The following APOA4 variants were observed in gnomAD, a reference collection of about 807,000 sequenced individuals.
The protein encoded by APOA4 is apolipoprotein A4.
In APOA4, 25 loss-of-function variants were observed where a neutral mutation model predicts 33.6. The ratio of observed to expected loss-of-function variants is 0.74; its 90% confidence interval spans 0.54 to 1.04. APOA4 has a LOEUF of 1.04. Ranked by LOEUF, APOA4 falls within the 50% of genes least tolerant of loss-of-function variation. APOA4 has a pLI of 0.00. For missense variants in APOA4, 549 were observed against 510.4 expected, an observed-to-expected ratio of 1.08 and a Z score of -0.73; for synonymous variants, 228 against 224.0, an observed-to-expected ratio of 1.02 and a Z score of -0.16.
rs1591322405 is a variant in APOA4 at position 116,821,476 on chromosome 11, C to T, written c.582G>A (p.Val194=). The T allele has an allele frequency of 6.2e-7, 1 of 1,614,172 alleles. No individual in the cohort carries two copies. Among genetic ancestry groups the T allele is most frequent in the East Asian group, 2.2e-5 (1 of 44,878 alleles). ...GCGTAAGGCGTCCCTTGAGCTCCTC[C>T]ACGTTCTGGTCGATCTTGGCCTTGA... ...DELKAKIDQN[V]EELKGRLTPY... is the part of the protein sequence containing the mutation. Residue 194 remains valine, a synonymous_variant, in exon 3 of 3, where the codon GTG becomes GTA. Transcript: ENST00000357780.
rs2134219237 is a variant in APOA4, at chr11:116,822,979, A to C, written c.49+164T>G. On this transcript the variant is annotated intron_variant, in intron 1 of 2. Coordinates refer to ENST00000357780, the MANE Select transcript of APOA4 (RefSeq NM_000482.4). ...CAATGCCAATGGGCCCACCACTGGG[A>C]CTGGGCCAGCTCTCCTGTGAGCCAC... 1.3e-5 allele frequency among the ~76,000 whole-genome samples: 2 copies of C among 152,342 alleles called. 1 individual carries two copies. The highest frequency in any genetic ancestry group is 6.8e-3 in the Middle Eastern group (2 of 294).
At position 116,821,056 on chromosome 11, in the gene APOA4, C is replaced by A; in HGVS notation, c.1002G>T (p.Gly334=). The part of the protein sequence containing the change: ...QLRQKLGPHA[G]DVEGHLSFLE... ...GGAAGCTCAAGTGGCCTTCCACGTC[C>A]CCCGCATGGGGGCCCAGTTTCTGCC... The change falls in exon 3 of 3, where the codon GGG becomes GGT. Residue 334 remains glycine, a synonymous_variant. Coordinates refer to ENST00000357780, the MANE Select transcript of APOA4 (RefSeq NM_000482.4). 6.2e-7 allele frequency: 1 copy of A among 1,614,226 alleles called. No individual in the cohort carries two copies. Among genetic ancestry groups the A allele is most frequent in the Non-Finnish European group, 8.5e-7 (1 of 1,180,054 alleles).
chr11:116,823,247 A>C lies in APOA4; in HGVS notation c.-56T>G. 3 of 1,598,836 alleles carry C rather than the reference A, an allele frequency of 1.9e-6. No individual in the cohort carries two copies. Among genetic ancestry groups the C allele is most frequent in the Non-Finnish European group, 2.6e-6 (3 of 1,166,338 alleles). On this transcript the variant is annotated 5_prime_UTR_variant, in exon 1 of 3. Coordinates refer to ENST00000357780, the MANE Select transcript of APOA4 (RefSeq NM_000482.4). Reference sequence around the variant, plus strand: ...CTTGCCACACTGGATCCTCCCTACAATCAGGGGAGCTGACAGAGAGGTCCT... The same window carrying C: ...CTTGCCACACTGGATCCTCCCTACACTCAGGGGAGCTGACAGAGAGGTCCT...
chr11:116,822,629 G>T, intron 2 of APOA4, 30 bp downstream of exon 2: 3 of 1,614,060 alleles, frequency 1.9e-6, no homozygotes, highest in Non-Finnish European at 2.5e-6. Context: ...AGAATTCCCC[G>T]TCACCACCGC....
In APOA4 at chr11:116,821,591, T is replaced by G. The variant is rs1342025659; in HGVS notation, c.467A>C (p.Gln156Pro). 5 of 1,609,946 alleles carry G rather than the reference T, an allele frequency of 3.1e-6. No individual in the cohort carries two copies. Among genetic ancestry groups the G allele is most frequent in the Non-Finnish European group, 4.2e-6 (5 of 1,178,980 alleles). ...CATGCGCTGTGCGTAGGGGGTCAGC[T>G]GGCGCCGCAGCTGCTCGGCCTGCGT... ...VSTQAEQLRR[Q>P]LTPYAQRMER... Residue 156 changes from glutamine to proline, a missense_variant, in exon 3 of 3, where the codon CAG (glutamine) becomes CCG (proline). Gln to Pro is a moderately conservative substitution (Grantham distance 76). Coordinates refer to ENST00000357780, the MANE Select transcript of APOA4 (RefSeq NM_000482.4).
Position 116,820,996 on chromosome 11 carries a change from G to C in APOA4, c.1062C>G (p.Phe354Leu). Reference protein sequence around the residue: ...EKDLRDKVNSFFSTFKEKESQ... With the variant: ...EKDLRDKVNSLFSTFKEKESQ... The stretch of plus-strand genomic sequence containing the variant: ...TCTCTTTCTCCTTGAAGGTGCTGAA[G>C]AAGGAGTTGACCTTGTCCCTCAGGT... The change falls in exon 3 of 3, where the codon TTC becomes TTG. Residue 354 changes from phenylalanine to leucine, a missense_variant. By Grantham distance (22) the Phe-to-Leu change is conservative. Coordinates refer to ENST00000357780, the MANE Select transcript of APOA4 (RefSeq NM_000482.4). The C allele has an allele frequency of 6.2e-7, 1 of 1,614,242 alleles. No individual in the cohort carries two copies. The highest frequency in any genetic ancestry group is 1.1e-5 in the South Asian group (1 of 91,086).
Position 116,820,980 on chromosome 11 carries a change from C to G in APOA4, c.1078G>C (p.Glu360Gln), listed in dbSNP as rs746177076. Residue 360 changes from glutamate to glutamine, a missense_variant, in exon 3 of 3, where the codon GAG becomes CAG. Physicochemically the swap from Glu to Gln is conservative, Grantham distance 29. Coordinates refer to ENST00000357780, the MANE Select transcript of APOA4 (RefSeq NM_000482.4). ...AGAGTCTTGTCCTGGCTCTCTTTCT[C>G]CTTGAAGGTGCTGAAGAAGGAGTTG... ...KVNSFFSTFK[E>Q]KESQDKTLSL... The G allele has an allele frequency of 6.2e-7, 1 of 1,614,232 alleles. No individual in the cohort carries two copies. Among genetic ancestry groups the G allele is most frequent in the East Asian group, 2.2e-5 (1 of 44,878 alleles).
At position 116,821,654 on chromosome 11, in the gene APOA4, A is replaced by C. The variant is rs748316209; in HGVS notation, c.404T>G (p.Leu135Arg). 1 of 1,609,870 alleles carries C rather than the reference A, an allele frequency of 6.2e-7. No homozygotes were observed. The highest frequency in any genetic ancestry group is 1.1e-5 in the South Asian group (1 of 90,902). Residue 135 changes from leucine (L) to arginine (R), a missense_variant, in exon 3 of 3, where the codon CTG (leucine) becomes CGG (arginine). By Grantham distance (102) the Leu-to-Arg change is moderately radical (BLOSUM62 -2). Coordinates refer to ENST00000357780, the MANE Select transcript of APOA4 (RefSeq NM_000482.4). The stretch of plus-strand genomic sequence containing the variant: ...GCGCAGCTGGTCCGCGTAGGGCTCC[A>C]GGCGCTGCTGAAGCTCTCGCAGGTT... ...GDNLRELQQR[L>R]EPYADQLRTQ...
chr11:116,823,097 C>A, intron 1 of APOA4, 46 bp downstream of exon 1: 1 of 1,607,726 alleles, frequency 6.2e-7, no homozygotes, highest in Non-Finnish European at 8.5e-7. Context: ...CTGCACTACT[C>A]AGAGCAGCAG....
In APOA4 at chr11:116,820,987, G is replaced by T. The variant is rs376352095; in HGVS notation, c.1071C>A (p.Thr357=). 2 of 1,614,242 alleles carry T rather than the reference G, an allele frequency of 1.2e-6. No homozygotes were observed. The highest frequency in any genetic ancestry group is 2.7e-5 in the African/African-American group (2 of 75,064). Residue 357 remains threonine, a synonymous_variant, in exon 3 of 3, where the codon ACC becomes ACA. Coordinates refer to ENST00000357780, the MANE Select transcript of APOA4 (RefSeq NM_000482.4). ...TGTCCTGGCTCTCTTTCTCCTTGAA[G>T]GTGCTGAAGAAGGAGTTGACCTTGT... ...LRDKVNSFFS[T]FKEKESQDKT... is the part of the protein sequence containing the mutation.
At chr11:116,822,588 C>G in intron 2 of APOA4, 71 bp downstream of exon 2, 2 of 1,611,968 alleles carry the variant, frequency 1.2e-6, no homozygotes, top group Non-Finnish European at 1.7e-6. Context: ...TCTCTAAGCT[C>G]AACCCTTGCC....
chr11:116,822,093 C>A (rs752970618), intron 2 of APOA4, among the ~76,000 whole-genome samples: 1 of 152,314 alleles, frequency 6.6e-6, no homozygotes, highest in East Asian at 1.9e-4. Context: ...GGATCTCCCA[C>A]ATAGTTTGTC....
rs12721042 is a variant in APOA4, at chr11:116,821,827, C to A, written c.231G>T (p.Gln77His). Residue 77 changes from glutamine to histidine, a missense_variant, in exon 3 of 3, where the codon CAG (glutamine) becomes CAT (histidine). Coordinates refer to ENST00000357780, the MANE Select transcript of APOA4 (RefSeq NM_000482.4). ...GEVNTYAGDL[Q>H]KKLVPFATEL... ...CGGTGGCAAAGGGCACCAGCTTCTT[C>A]TGCAGGTCACCTGCGTAAGTGTTCA... The A allele has an allele frequency of 6.2e-6, 10 of 1,613,512 alleles. No individual in the cohort carries two copies. The African/African-American group carries it at 1.2e-4, about 19-fold the overall frequency.
rs1201836374 is a variant in APOA4 at position 116,821,693 on chromosome 11, T to C, written c.365A>G (p.Gln122Arg). The C allele has an allele frequency of 2.5e-6, 4 of 1,587,302 alleles. No individual in the cohort carries two copies. The African/African-American group carries it at 5.4e-5, about 21-fold the overall frequency. ...RLLPHANEVS[Q>R]KIGDNLRELQ... The stretch of plus-strand genomic sequence containing the variant: ...CTCTCGCAGGTTGTCCCCGATCTTC[T>C]GGCTCACCTCATTGGCATGGGGCAG... Residue 122 changes from glutamine to arginine, a missense_variant, in exon 3 of 3, where the codon CAG becomes CGG. Transcript: ENST00000357780.
chr11:116,822,002 C>A, intron 2 of APOA4, 121 bp from the exon 3 acceptor site: 1 of 1,258,740 alleles, frequency 7.9e-7, no homozygotes, highest in Non-Finnish European at 1.1e-6. Flanking sequence ...TCAGAGGTAC[C>A]GAGTTCACCC....
rs180917395 is a variant in APOA4, at chr11:116,823,146, C to T, written c.46G>A (p.Ala16Thr). ...VVLTLALVAV[A>T]GARAEVSADQ... Reference sequence around the variant, plus strand: ...TCCAAAGACAGCTTCTACTCACCGGCGACAGCCACCAGGGCCAGGGTCAGG... The same window carrying T: ...TCCAAAGACAGCTTCTACTCACCGGTGACAGCCACCAGGGCCAGGGTCAGG... Residue 16 changes from alanine (A) to threonine (T), a missense_variant, in exon 1 of 3, where the codon GCC (alanine) becomes ACC (threonine). Coordinates refer to ENST00000357780, the MANE Select transcript of APOA4 (RefSeq NM_000482.4). 165 of 1,613,964 alleles carry T rather than the reference C, an allele frequency of 1.0e-4. No individual in the cohort carries two copies. In the East Asian group the frequency reaches 2.5e-3, roughly 24 times the overall value.
At chr11:116,821,937 T>A (rs1046592898) in intron 2 of APOA4, 56 bp from the exon 3 acceptor site, 1 of 1,602,924 alleles carries the variant, frequency 6.2e-7, no homozygotes, top group African/African-American at 1.3e-5. Flanking sequence ...ACGGCAAGAC[T>A]TTGTCTGCTT....
At position 116,820,956 on chromosome 11, in the gene APOA4, G is replaced by C. The variant is rs753408858; in HGVS notation, c.1102C>G (p.Leu368Val). 2.5e-6 allele frequency: 4 copies of C among 1,614,196 alleles called. No homozygotes were observed. The highest frequency in any genetic ancestry group is 2.2e-5 in the South Asian group (2 of 91,084). The change falls in exon 3 of 3, where the codon CTC becomes GTC. Residue 368 changes from leucine to valine, a missense_variant. Physicochemically the swap from Leu to Val is conservative, Grantham distance 32. Coordinates refer to ENST00000357780, the MANE Select transcript of APOA4 (RefSeq NM_000482.4). ...FKEKESQDKT[L>V]SLPELEQQQE... Reference sequence around the variant, plus strand: ...TGTTGCTCCAGCTCAGGGAGGGAGAGAGTCTTGTCCTGGCTCTCTTTCTCC... The same window carrying C: ...TGTTGCTCCAGCTCAGGGAGGGAGACAGTCTTGTCCTGGCTCTCTTTCTCC...
At position 116,823,165 on chromosome 11, in the gene APOA4, G is replaced by A; in HGVS notation, c.27C>T (p.Thr9=). The A allele has an allele frequency of 2.5e-6, 4 of 1,614,076 alleles. No individual in the cohort carries two copies. The highest frequency in any genetic ancestry group is 3.4e-6 in the Non-Finnish European group (4 of 1,180,016). The change falls in exon 1 of 3, where the codon ACC becomes ACT. Residue 9 remains threonine, a synonymous_variant. Transcript: ENST00000357780. The part of the protein sequence containing the change: MFLKAVVL[T]LALVAVAGAR... ...CACCGGCGACAGCCACCAGGGCCAG[G>A]GTCAGGACCACGGCCTTCAGGAACA...
Sources: allele counts gnomAD v4.1 joint callset (sites outside exome capture counted in the v4.1 genomes callset), GRCh38; gene constraint gnomAD v4.1.1; transcripts MANE v1.5; gene names NCBI Gene and HGNC (gene_info 2026-07-23, HGNC 2026-07-21).